Variants in MOXD1 observed in about 807,000 individuals in gnomAD.
MOXD1 encodes the protein monooxygenase DBH like 1.
In MOXD1, 62 loss-of-function variants were observed where a neutral mutation model predicts 66.6. That is an observed-to-expected ratio of 0.93 (90% CI 0.76 to 1.15). The LOEUF (loss-of-function observed/expected upper bound fraction) is 1.15, where lower values mean the gene tolerates loss of function less well. Among genes scored for constraint, MOXD1 ranks in the 50% most tolerant of loss-of-function variants. The pLI, the probability that MOXD1 is intolerant of heterozygous loss-of-function variation, is 0.00. For synonymous variants in MOXD1, 303 were observed against 281.9 expected (o/e 1.07, Z -0.75); for missense variants, 847 against 754.6 (o/e 1.12, Z -1.44).
rs1158339059 is a variant in MOXD1, at chr6:132,303,835, GTATATATATATATATATATATATATA to G, written c.1509-5906_1509-5881del. Among the ~76,000 whole-genome samples the G allele has an allele frequency of 5.5e-3, 260 of 47,562 alleles. 5 individuals carry two copies. Among genetic ancestry groups the G allele is most frequent in the African/African-American group, 0.018 (229 of 12,830 alleles). 31.2% of individuals were successfully genotyped at this position (47,562 alleles called of 152,430 possible). On this transcript the variant is annotated intron_variant, in intron 10 of 11. Coordinates refer to ENST00000367963, the MANE Select transcript of MOXD1 (RefSeq NM_015529.4). ...TGTGTGTGTGTGTGTGTGTGTGTGT[GTATATATATATATATATATATATATA>G]TATATATATATATATATACATATAT...
chr6:132,394,689 A>G (rs1776835592), intron 1 of MOXD1, among the ~76,000 whole-genome samples: 1 of 152,180 alleles, frequency 6.6e-6, no homozygotes, highest in Non-Finnish European at 1.5e-5. Flanking sequence ...AATACATTCT[A>G]AAGTTTCAAC....
intron 7 of MOXD1, 135 bp from the exon 8 acceptor site, chr6:132,323,005 A>G (rs1314013228): frequency 1.1e-5 from 9 of 811,664 alleles, no homozygotes; most frequent in Admixed American, 3.4e-5. Flanking sequence ...ACTGAAAAAG[A>G]GTTTGAATTC....
chr6:132,391,980 C>T (rs35397690), intron 1 of MOXD1: 6 of 523,204 alleles, frequency 1.1e-5, no homozygotes, highest in African/African-American at 2.0e-5. Context: ...GAAGTCTCTT[C>T]GTTGCCTGGA....
intron 1 of MOXD1, chr6:132,392,136 TGTGCTTAAAA>T: frequency 6.7e-7 from 1 of 1,491,470 alleles, no homozygotes; most frequent in Non-Finnish European, 8.9e-7. Flanking sequence ...TTGGCTGGGG[TGTGCTTAAAA>T]GAAGCACATC....
chr6:132,360,869 A>G (rs1391746984), intron 4 of MOXD1, among the ~76,000 whole-genome samples: 1 of 152,234 alleles, frequency 6.6e-6, no homozygotes, highest in Non-Finnish European at 1.5e-5. Context: ...ATTAAAATAT[A>G]TAGTGGGCAT....
chr6:132,364,375 T>TC (rs1229674167), intron 4 of MOXD1, among the ~76,000 whole-genome samples: 1 of 152,208 alleles, frequency 6.6e-6, no homozygotes, highest in Non-Finnish European at 1.5e-5. Flanking sequence ...GTCATTCATC[T>TC]CTATAATTCC....
chr6:132,345,124 T>C (rs1317425527), intron 4 of MOXD1, among the ~76,000 whole-genome samples: 2 of 152,188 alleles, frequency 1.3e-5, no homozygotes, highest in African/African-American at 2.4e-5. Flanking sequence ...GCTTGCAAAG[T>C]GGCATCGAAA....
rs182795447 is a variant in MOXD1, at chr6:132,399,305, A to G, written c.264+1858T>C. On this transcript the variant is annotated intron_variant, in intron 1 of 11. Coordinates refer to ENST00000367963, the MANE Select transcript of MOXD1 (RefSeq NM_015529.4). Reference sequence around the variant, plus strand: ...CGATCATCCTTTACATGTAAAAATGATTTTATTTCCTTAGGAATAAAAATG... The same window carrying G: ...CGATCATCCTTTACATGTAAAAATGGTTTTATTTCCTTAGGAATAAAAATG... Among the ~76,000 whole-genome samples the G allele has an allele frequency of 7.2e-3, 1,097 of 152,290 alleles. 9 individuals are homozygous for G. Among genetic ancestry groups the G allele is most frequent in the Non-Finnish European group, 0.011 (757 of 68,020 alleles).
chr6:132,370,538 A>G lies in MOXD1; in HGVS notation c.663+2070T>C, dbSNP rs77564091. Among the ~76,000 whole-genome samples, 594 of 152,242 alleles carry G rather than the reference A, an allele frequency of 3.9e-3. 4 individuals carry two copies. Among genetic ancestry groups the G allele is most frequent in the Middle Eastern group, 0.034 (10 of 294 alleles). ...AAAATATTTTAAGGTTTAGCAAGAT[A>G]AGGAATCTATCCTATAAGTGGTATT... On this transcript the variant is annotated intron_variant, in intron 4 of 11. Transcript: ENST00000367963.
chr6:132,317,480 A>C (rs1029173877), intron 9 of MOXD1, among the ~76,000 whole-genome samples: 1 of 152,134 alleles, frequency 6.6e-6, no homozygotes, highest in Non-Finnish European at 1.5e-5. Context: ...TCAACTAGTC[A>C]TTGACTGCTG....
intron 4 of MOXD1, among the ~76,000 whole-genome samples, chr6:132,368,202 T>C (rs1341440075): frequency 6.6e-6 from 1 of 152,062 alleles, no homozygotes; most frequent in African/African-American, 2.4e-5. Flanking sequence ...GGCAATGCCA[T>C]TACTGTTGAC....
At chr6:132,335,819 G>C (rs1775424625) in intron 4 of MOXD1, among the ~76,000 whole-genome samples, 1 of 152,210 alleles carries the variant, frequency 6.6e-6, no homozygotes. Flanking sequence ...CCCTGTCATT[G>C]TTTGTGACAC....
Position 132,303,827 on chromosome 6 carries a change from GTGTGTGTGTATATATATATATATATATA to G in MOXD1, c.1509-5900_1509-5873del, listed in dbSNP as rs1774616031. Among the ~76,000 whole-genome samples, 3 of 99,178 alleles carry G rather than the reference GTGTGTGTGTATATATATATATATATATA, an allele frequency of 3.0e-5. 1 individual carries two copies. The highest frequency in any genetic ancestry group is 4.0e-5 in the African/African-American group (1 of 25,274). The allele number at this position is 99,178 out of a possible 152,430, so 65.1% of individuals were successfully genotyped here. ...CACACATGTGTGTGTGTGTGTGTGT[GTGTGTGTGTATATATATATATATATATA>G]TATATATATATATATATATATATAC... is the stretch of plus-strand genomic sequence containing the variant. On this transcript the variant is annotated intron_variant, in intron 10 of 11. Coordinates refer to ENST00000367963, the MANE Select transcript of MOXD1 (RefSeq NM_015529.4).
Position 132,372,958 on chromosome 6 carries a change from C to A in MOXD1, c.451G>T (p.Asp151Tyr), listed in dbSNP as rs373384376. Residue 151 changes from aspartate to tyrosine, a missense_variant, in exon 3 of 12, where the codon GAT becomes TAT. Asp to Tyr is a radical substitution (Grantham distance 160). Coordinates refer to ENST00000367963, the MANE Select transcript of MOXD1 (RefSeq NM_015529.4). ...VRVIWAYHHE[D>Y]AGEAGPKYHD... The stretch of plus-strand genomic sequence containing the variant: ...TACTTGGGACCAGCTTCTCCTGCAT[C>A]TTCATGGTGGTAGGCCCAGATCACT... The A allele has an allele frequency of 8.1e-6, 13 of 1,613,866 alleles. No individual in the cohort carries two copies. The African/African-American group carries it at 9.3e-5, about 12-fold the overall frequency.
chr6:132,395,259 G>A (rs548842610), intron 1 of MOXD1, among the ~76,000 whole-genome samples: 1 of 152,192 alleles, frequency 6.6e-6, no homozygotes, highest in South Asian at 2.1e-4. Context: ...CAAAAGCTGA[G>A]GGAATTTATC....
At chr6:132,301,905 G>C (rs1471348211) in intron 10 of MOXD1, among the ~76,000 whole-genome samples, 3 of 152,130 alleles carry the variant, frequency 2.0e-5, no homozygotes, top group Admixed American at 2.0e-4. Flanking sequence ...GTTCATCCCA[G>C]CTTTCTGCCT....
At chr6:132,355,440 T>G (rs1409845212) in intron 4 of MOXD1, among the ~76,000 whole-genome samples, 1 of 152,084 alleles carries the variant, frequency 6.6e-6, no homozygotes, top group Non-Finnish European at 1.5e-5. Context: ...CTATCACCAT[T>G]CTCCGGTATG....
In MOXD1 at chr6:132,334,606, G is replaced by T. The variant is rs146461877; in HGVS notation, c.664-6012C>A. Among the ~76,000 whole-genome samples the T allele has an allele frequency of 1.1e-4, 17 of 152,274 alleles. No individual in the cohort carries two copies. The East Asian group carries it at 3.3e-3, about 29-fold the overall frequency. ...AGAACGTCAATCTTTCTTTGGTTTT[G>T]CTCTGCATTCTGTTCAGCTCCCTGA... is the stretch of plus-strand genomic sequence containing the variant. On this transcript the variant is annotated intron_variant, in intron 4 of 11. Transcript: ENST00000367963.
At chr6:132,388,133 A>G (rs1454955508) in intron 1 of MOXD1, among the ~76,000 whole-genome samples, 1 of 151,460 alleles carries the variant, frequency 6.6e-6, no homozygotes, top group Non-Finnish European at 1.5e-5. Flanking sequence ...ATTTGTCTTC[A>G]TGTGGTCTTC....
Sources: allele counts gnomAD v4.1 joint callset (sites outside exome capture counted in the v4.1 genomes callset), GRCh38; gene constraint gnomAD v4.1.1; transcripts MANE v1.5; gene names NCBI Gene and HGNC (gene_info 2026-07-23, HGNC 2026-07-21).